SCN9A: variants seen among roughly 807,000 people sequenced by gnomAD.
SCN9A encodes sodium voltage-gated channel alpha subunit 9.
In SCN9A, 131 loss-of-function variants were observed where a neutral mutation model predicts 187.0. The observed-to-expected ratio is 0.70, with a 90% confidence interval of 0.61 to 0.81. The LOEUF (loss-of-function observed/expected upper bound fraction) is 0.81. Among genes scored for constraint, SCN9A ranks in the 30% least tolerant of loss-of-function variants. The probability of loss-of-function intolerance (pLI) is 0.00; values close to 1 mark genes in which losing one functional copy is unlikely to be tolerated. For synonymous variants in SCN9A, 809 were observed against 808.6 expected, an observed-to-expected ratio of 1.00 and a Z score of -0.01; for missense variants, 2,252 against 2,396.6, an observed-to-expected ratio of 0.94 and a Z score of 1.26.
intron 19 of SCN9A, among the ~76,000 whole-genome samples, chr2:166,240,136 T>C (rs1428445204): frequency 3.9e-5 from 6 of 152,192 alleles, no homozygotes; most frequent in Non-Finnish European, 5.9e-5. Flanking sequence ...TTTAAAACTG[T>C]ACCCAGCTTC....
intron 17 of SCN9A, among the ~76,000 whole-genome samples, chr2:166,266,174 T>C (rs1181406204): frequency 6.6e-6 from 1 of 151,980 alleles, no homozygotes; most frequent in African/African-American, 2.4e-5. Context: ...CTGTTTTTTT[T>C]CTTCTCTAAT....
intron 1 of SCN9A, among the ~76,000 whole-genome samples, chr2:166,338,446 T>C (rs2105276231): frequency 6.6e-6 from 1 of 152,272 alleles, no homozygotes; most frequent in South Asian, 2.1e-4. Flanking sequence ...ATACTTATGC[T>C]ATTTGTTGGC....
At chr2:166,281,354 GT>G (rs1574858827) in intron 13 of SCN9A, among the ~76,000 whole-genome samples, 1 of 152,250 alleles carries the variant, frequency 6.6e-6, no homozygotes, top group East Asian at 1.9e-4. Flanking sequence ...GGTTAACCTT[GT>G]TTTCTGCATC....
chr2:166,299,804 C>T (rs1014526697), intron 7 of SCN9A, among the ~76,000 whole-genome samples: 1 of 150,802 alleles, frequency 6.6e-6, no homozygotes, highest in Non-Finnish European at 1.5e-5. Context: ...ACCTGGACAT[C>T]TCAAAGGCAT....
rs201533413 is a variant in SCN9A at position 166,197,456 on chromosome 2, C to G, written c.*1216G>C. The G allele has an allele frequency of 8.5e-5, 13 of 152,100 alleles. No individual in the cohort carries two copies. The highest frequency in any genetic ancestry group is 2.9e-4 in the African/African-American group (12 of 41,444). The allele number at this position is 152,100 out of a possible 1,614,324, so 9.4% of individuals were successfully genotyped here. ...ATTGAAGTATATCCAAAAAAGATTA[C>G]TTCCATAATTTAGGAAAGTAAGTTG... On this transcript the variant is annotated 3_prime_UTR_variant, in exon 27 of 27. Coordinates refer to ENST00000642356, the MANE Select transcript of SCN9A (RefSeq NM_001365536.1).
At position 166,310,838 on chromosome 2, in the gene SCN9A, G is replaced by C. The variant is rs1282344884; in HGVS notation, c.258+661C>G. On this transcript the variant is annotated intron_variant, in intron 2 of 26. Transcript: ENST00000642356. ...CATTATTCACAATAGCAAACACTTGGAACCAACCCAAATGTCCAACAATGA... is the reference window on the plus strand; with the variant it reads ...CATTATTCACAATAGCAAACACTTGCAACCAACCCAAATGTCCAACAATGA... Among the ~76,000 whole-genome samples the C allele has an allele frequency of 3.9e-5, 3 of 77,102 alleles. 1 individual carries two copies. The East Asian group carries it at 7.9e-4, about 20-fold the overall frequency. The allele number at this position is 77,102 out of a possible 152,430, so 50.6% of individuals were successfully genotyped here. A position where few individuals can be genotyped will look rare whatever the true frequency, so the allele number is the denominator to read the frequency against.
At chr2:166,268,683 G>T (rs928379059) in intron 17 of SCN9A, among the ~76,000 whole-genome samples, 14 of 151,996 alleles carry the variant, frequency 9.2e-5, no homozygotes, top group African/African-American at 2.6e-4. Context: ...TTAGATGTAA[G>T]GTTTTTATAG....
chr2:166,209,194 T>C (rs900806521), intron 24 of SCN9A, among the ~76,000 whole-genome samples: 2 of 152,194 alleles, frequency 1.3e-5, no homozygotes. Flanking sequence ...TTTGTGTCCT[T>C]TGTGACATTG....
intron 1 of SCN9A, among the ~76,000 whole-genome samples, chr2:166,319,840 A>C (rs72884703): frequency 0.19 from 29,463 of 152,002 alleles, 3,683 homozygotes; most frequent in Non-Finnish European, 0.29. Flanking sequence ...GTGAGGGAAA[A>C]GTTGGAGAGC....
chr2:166,202,033 A>G (rs565325313), intron 26 of SCN9A, among the ~76,000 whole-genome samples: 1 of 151,830 alleles, frequency 6.6e-6, no homozygotes, highest in African/African-American at 2.4e-5. Context: ...GATTTTTACT[A>G]TATTCTTATT....
intron 1 of SCN9A, among the ~76,000 whole-genome samples, chr2:166,317,261 A>G (rs72882899): frequency 0.19 from 29,330 of 151,748 alleles, 3,624 homozygotes; most frequent in Non-Finnish European, 0.29. Flanking sequence ...TATTTGACCT[A>G]ATTTTATATA....
intron 17 of SCN9A, among the ~76,000 whole-genome samples, chr2:166,253,530 A>T (rs1011231804): frequency 2.0e-5 from 3 of 151,978 alleles, no homozygotes; most frequent in Non-Finnish European, 4.4e-5. Context: ...TGAGTTTTAA[A>T]ATATATAAGT....
At position 166,280,501 on chromosome 2, in the gene SCN9A, G is replaced by T; in HGVS notation, c.2199C>A (p.Phe733Leu). ...IWNCSPYWIK[F>L]KKCIYFIVMD... is the part of the protein sequence containing the mutation. ...TTACAATAAAATAGATACACTTTTT[G>T]AATTTTATCCAATATGGAGAGCAAT... The change falls in exon 14 of 27, where the codon TTC (phenylalanine) becomes TTA (leucine). Residue 733 changes from phenylalanine to leucine, a missense_variant. Physicochemically the swap from Phe to Leu is conservative, Grantham distance 22 (BLOSUM62 0). Around this residue, in one of 7 missense-constraint regions of SCN9A, gnomAD observed 1,013 missense variants for 997.4 expected, o/e 1.02. Transcript: ENST00000642356. 1.9e-6 allele frequency: 3 copies of T among 1,587,596 alleles called. No homozygotes were observed. The highest frequency in any genetic ancestry group is 1.1e-5 in the South Asian group (1 of 87,454).
At position 166,324,193 on chromosome 2, in the gene SCN9A, T is replaced by G. The variant is rs77682648; in HGVS notation, c.-50-12387A>C. On this transcript the variant is annotated intron_variant, in intron 1 of 26. Coordinates refer to ENST00000642356, the MANE Select transcript of SCN9A (RefSeq NM_001365536.1). ...CTGCAATCTCAGCTACTCAGGAGGC[T>G]GAGGCAGGAGAATTACTTGAACCCA... 3.5e-3 allele frequency among the ~76,000 whole-genome samples: 539 copies of G among 151,948 alleles called. 13 individuals are homozygous for G. The East Asian group carries it at 0.068, about 19-fold the overall frequency.
intron 5 of SCN9A, 131 bp downstream of exon 5, chr2:166,305,661 G>C (rs1698730318): frequency 8.2e-7 from 1 of 1,219,086 alleles, no homozygotes; most frequent in African/African-American, 1.5e-5. Flanking sequence ...CTTTCATATA[G>C]CTTCCATTTT....
chr2:166,201,864 A>C (rs1228612830), intron 26 of SCN9A, among the ~76,000 whole-genome samples: 1 of 151,652 alleles, frequency 6.6e-6, no homozygotes, highest in East Asian at 1.9e-4. Context: ...TTACCAAAAA[A>C]TTTTCATGAC....
At chr2:166,349,253 A>G (rs563464573) in intron 1 of SCN9A, among the ~76,000 whole-genome samples, 1 of 152,330 alleles carries the variant, frequency 6.6e-6, no homozygotes, top group Non-Finnish European at 1.5e-5. Flanking sequence ...AATGGGGTAC[A>G]TAGAAGGTAA....
At chr2:166,250,378 C>T (rs1477342191) in intron 18 of SCN9A, among the ~76,000 whole-genome samples, 1 of 152,106 alleles carries the variant, frequency 6.6e-6, no homozygotes, top group Non-Finnish European at 1.5e-5. Context: ...AGGCACTGTG[C>T]TAGTAAGTTT....
chr2:166,363,487 C>T (rs1373298046), intron 1 of SCN9A, among the ~76,000 whole-genome samples: 1 of 151,860 alleles, frequency 6.6e-6, no homozygotes, highest in African/African-American at 2.4e-5. Context: ...TCCTAAATTG[C>T]TAGTATATTT....
Sources: allele counts gnomAD v4.1 joint callset (sites outside exome capture counted in the v4.1 genomes callset), GRCh38; gene constraint gnomAD v4.1.1; regional missense constraint gnomAD v4.1.1; transcripts MANE v1.5; gene names NCBI Gene and HGNC (gene_info 2026-07-23, HGNC 2026-07-21).